EPHB1: variants seen among roughly 807,000 people sequenced by gnomAD.
The protein encoded by EPHB1 is ephrin type-B receptor 1.
A neutral mutation model predicts 94.4 loss-of-function variants in EPHB1; 30 were observed. That is an observed-to-expected ratio of 0.32 (90% confidence interval 0.24 to 0.43). The LOEUF (loss-of-function observed/expected upper bound fraction) is 0.43. Among genes scored for constraint, EPHB1 ranks in the 20% least tolerant of loss-of-function variants. The probability of loss-of-function intolerance (pLI) is 1.00; values close to 1 mark genes in which losing one functional copy is unlikely to be tolerated. For synonymous variants in EPHB1, 522 were observed against 489.1 expected (o/e 1.07, Z -0.89); for missense variants, 1,055 against 1,308.3 (o/e 0.81, Z 2.99).
rs529049862 is a variant in EPHB1 at position 134,862,526 on chromosome 3, TACTC to T, written c.59-63288_59-63285del. ...AAAAAAAAAAAAAGAAAAAGAAAAA[TACTC>T]AATTAGAGTAAAACTTTAATTAAAT... On this transcript the variant is annotated intron_variant, in intron 1 of 15. Transcript: ENST00000398015. Among the ~76,000 whole-genome samples the T allele has an allele frequency of 2.1e-3, 321 of 150,218 alleles. 2 individuals carry two copies. Among genetic ancestry groups the T allele is most frequent in the African/African-American group, 7.3e-3 (298 of 40,868 alleles).
intron 9 of EPHB1, among the ~76,000 whole-genome samples, 178 bp downstream of exon 9, chr3:135,167,184 T>A (rs922937511): frequency 4.6e-5 from 7 of 152,100 alleles, no homozygotes; most frequent in African/African-American, 1.7e-4. Flanking sequence ...TACCCTCCCA[T>A]CTGCCGTCTA....
chr3:134,811,477 G>T (rs1269797743), intron 1 of EPHB1, among the ~76,000 whole-genome samples: 2 of 151,880 alleles, frequency 1.3e-5, no homozygotes, highest in African/African-American at 4.8e-5. Flanking sequence ...GACCTCAGGT[G>T]ATCCACCTGC....
intron 15 of EPHB1, among the ~76,000 whole-genome samples, chr3:135,255,939 T>C (rs1350778282): frequency 1.3e-5 from 2 of 148,930 alleles, no homozygotes; most frequent in East Asian, 4.0e-4. Context: ...TAGTTAGCTC[T>C]TCTTGTTGAA....
chr3:134,878,789 C>G (rs1241616156), intron 1 of EPHB1, among the ~76,000 whole-genome samples: 1 of 152,168 alleles, frequency 6.6e-6, no homozygotes, highest in African/African-American at 2.4e-5. Context: ...TATTGATTCA[C>G]TTTTTTAAAA....
intron 1 of EPHB1, among the ~76,000 whole-genome samples, chr3:134,828,026 T>C (rs376316239): frequency 1.3e-5 from 2 of 152,308 alleles, no homozygotes; most frequent in East Asian, 3.9e-4. Flanking sequence ...CTGTACCCTT[T>C]GGCCTATTTC....
chr3:134,845,512 T>C (rs554498029), intron 1 of EPHB1, among the ~76,000 whole-genome samples: 17 of 152,208 alleles, frequency 1.1e-4, no homozygotes, highest in African/African-American at 4.1e-4. Context: ...AGTGAAGAAG[T>C]GCAGGCTCCG....
rs80228479 is a variant in EPHB1 at position 134,798,476 on chromosome 3, C to G, written c.58+2787C>G. Among the ~76,000 whole-genome samples, 3 of 152,294 alleles carry G rather than the reference C, an allele frequency of 2.0e-5. No individual in the cohort carries two copies. In the East Asian group the frequency reaches 5.8e-4, roughly 29 times the overall value. ...GACTGAAAAAAAGCTCCTCTTCCCT[C>G]CTTTCCCCCCACACTCCCGCATTTC... On this transcript the variant is annotated intron_variant, in intron 1 of 15. Transcript: ENST00000398015.
At chr3:134,837,529 C>T (rs764147978) in intron 1 of EPHB1, among the ~76,000 whole-genome samples, 1 of 152,064 alleles carries the variant, frequency 6.6e-6, no homozygotes, top group Non-Finnish European at 1.5e-5. Flanking sequence ...TGGGAGATGG[C>T]GGGGAGGGGG....
chr3:134,814,114 C>T lies in EPHB1; in HGVS notation c.58+18425C>T, dbSNP rs185524943. Among the ~76,000 whole-genome samples, 67 of 152,240 alleles carry T rather than the reference C, an allele frequency of 4.4e-4. 1 individual carries two copies. The highest frequency in any genetic ancestry group is 1.5e-3 in the African/African-American group (64 of 41,534). On this transcript the variant is annotated intron_variant, in intron 1 of 15. Coordinates refer to ENST00000398015, the MANE Select transcript of EPHB1 (RefSeq NM_004441.5). ...AGGATCACTCAGGGAGAGGCTGATG[C>T]GCATGCCACCGTGGCAAGAAAACCA...
intron 12 of EPHB1, among the ~76,000 whole-genome samples, chr3:135,202,820 T>C (rs1192890902): frequency 6.6e-6 from 1 of 152,208 alleles, no homozygotes; most frequent in Non-Finnish European, 1.5e-5. Flanking sequence ...TGGTGATTCC[T>C]CACATATCTA....
Position 134,795,480 on chromosome 3 carries a change from C to G in EPHB1, c.-152C>G, listed in dbSNP as rs1020181975. 1.3e-4 allele frequency: 93 copies of G among 705,120 alleles called. No individual in the cohort carries two copies. Among genetic ancestry groups the G allele is most frequent in the Non-Finnish European group, 1.9e-4 (85 of 439,676 alleles). 43.7% of individuals were successfully genotyped at this position (705,120 alleles called of 1,614,324 possible). A position where few individuals can be genotyped will look rare whatever the true frequency, so the allele number is the denominator to read the frequency against. ...CCACGCGCACACACTCCTGCCCACG[C>G]CCACGCAGCGCTCCGGGAAGTCCGG... is the stretch of plus-strand genomic sequence containing the variant. On this transcript the variant is annotated 5_prime_UTR_variant, in exon 1 of 16. Transcript: ENST00000398015.
intron 3 of EPHB1, among the ~76,000 whole-genome samples, chr3:134,992,224 G>A (rs1326697824): frequency 1.3e-5 from 2 of 152,124 alleles, no homozygotes; most frequent in African/African-American, 2.4e-5. Context: ...AGCACTCAGG[G>A]GGTGATCCAG....
chr3:134,946,612 G>A (rs922524027), intron 2 of EPHB1, among the ~76,000 whole-genome samples: 9 of 152,302 alleles, frequency 5.9e-5, no homozygotes, highest in African/African-American at 1.9e-4. Context: ...GCTCTCCAAT[G>A]TTGGAGGTGG....
chr3:134,934,109 T>A (rs1035278533), intron 2 of EPHB1, among the ~76,000 whole-genome samples: 1 of 152,114 alleles, frequency 6.6e-6, no homozygotes, highest in Admixed American at 6.5e-5. Context: ...AAAAGGCCTG[T>A]AATTAGGAAA....
chr3:134,990,018 TTTTA>T lies in EPHB1; in HGVS notation c.805+37972_805+37975del, dbSNP rs759329522. Among the ~76,000 whole-genome samples, 14 of 152,180 alleles carry T rather than the reference TTTTA, an allele frequency of 9.2e-5. 1 individual carries two copies. The highest frequency in any genetic ancestry group is 4.1e-4 in the South Asian group (2 of 4,832). On this transcript the variant is annotated intron_variant, in intron 3 of 15. Coordinates refer to ENST00000398015, the MANE Select transcript of EPHB1 (RefSeq NM_004441.5). ...TTTTAAGGTTTATAACTTGTTTTGG[TTTTA>T]TTTATGTATTTAAAAGAATGTAACA... is the stretch of plus-strand genomic sequence containing the variant.
At chr3:135,113,009 C>A (rs1939523665) in intron 4 of EPHB1, among the ~76,000 whole-genome samples, 1 of 152,170 alleles carries the variant, frequency 6.6e-6, no homozygotes, top group South Asian at 2.1e-4. Context: ...ACTGATATTA[C>A]CCCGATATGT....
At chr3:135,172,654 G>T (rs1009895151) in intron 9 of EPHB1, among the ~76,000 whole-genome samples, 3 of 152,226 alleles carry the variant, frequency 2.0e-5, no homozygotes, top group Admixed American at 2.0e-4. Flanking sequence ...GTCCCTGGAG[G>T]AGGGAGACTG....
intron 3 of EPHB1, among the ~76,000 whole-genome samples, chr3:135,030,945 G>A (rs536375037): frequency 3.5e-4 from 53 of 152,282 alleles, no homozygotes; most frequent in African/African-American, 1.1e-3. Context: ...TTTTAAGCCC[G>A]TCGGAAAAGC....
chr3:135,183,929 A>G (rs1029334633), intron 10 of EPHB1, among the ~76,000 whole-genome samples: 3 of 152,222 alleles, frequency 2.0e-5, no homozygotes, highest in Admixed American at 6.5e-5. Flanking sequence ...AGCAAGCTGA[A>G]TCCTATAAAT....
Sources: gnomAD v4.1 joint callset for allele counts (sites outside exome capture counted in the v4.1 genomes callset) on GRCh38, gnomAD v4.1.1 for gene constraint, MANE v1.5 for transcripts, NCBI Gene and HGNC (gene_info 2026-07-23, HGNC 2026-07-21) for gene names.